SYNE1: variants seen among roughly 807,000 people sequenced by gnomAD.
The protein encoded by SYNE1 is spectrin repeat containing nuclear envelope protein 1, also known as nesprin-1.
In SYNE1, 616 loss-of-function variants were observed where a neutral mutation model predicts 1,111.0. The observed-to-expected ratio is 0.55, with a 90% CI of 0.52 to 0.59. SYNE1 has a LOEUF of 0.59. SYNE1 is among the 20% of genes least tolerant of loss of function. The probability of loss-of-function intolerance (pLI) is 0.00; values close to 1 mark genes in which losing one functional copy is unlikely to be tolerated. For synonymous variants in SYNE1, 3,855 were observed against 3,825.8 expected, an observed-to-expected ratio of 1.01 and a Z score of -0.28; for missense variants, 10,006 against 10,417.0, an observed-to-expected ratio of 0.96 and a Z score of 1.72.
chr6:152,536,403 A>G (rs1300511411), intron 4 of SYNE1, among the ~76,000 whole-genome samples: 1 of 139,186 alleles, frequency 7.2e-6, no homozygotes, highest in Non-Finnish European at 1.5e-5. Context: ...TATATATACT[A>G]TATATAGTAA....
chr6:152,553,239 G>A (rs894460581), intron 3 of SYNE1, among the ~76,000 whole-genome samples: 2 of 152,122 alleles, frequency 1.3e-5, no homozygotes, highest in African/African-American at 4.8e-5. Flanking sequence ...TGACTCAAAA[G>A]CCCATACCTT....
chr6:152,492,062 T>A (rs894451545), intron 11 of SYNE1, among the ~76,000 whole-genome samples: 6 of 152,206 alleles, frequency 3.9e-5, no homozygotes, highest in African/African-American at 1.4e-4. Flanking sequence ...TTTTTCTTTA[T>A]CTGACCTCTC....
chr6:152,365,881 C>T lies in SYNE1; in HGVS notation c.9973-862G>A, dbSNP rs573893594. Among the ~76,000 whole-genome samples, 10 of 152,300 alleles carry T rather than the reference C, an allele frequency of 6.6e-5. No individual in the cohort carries two copies. In the South Asian group the frequency reaches 1.9e-3, roughly 28 times the overall value. On this transcript the variant is annotated intron_variant, in intron 62 of 145. Transcript: ENST00000367255. ...AGCCTCAGCTTCAGCCACCCATTGC[C>T]ACCAGTTTCTGCTGTGGCAATAAGC...
chr6:152,440,387 G>C (rs1453200599), intron 32 of SYNE1, among the ~76,000 whole-genome samples: 1 of 151,888 alleles, frequency 6.6e-6, no homozygotes, highest in African/African-American at 2.4e-5. Context: ...CTGAAATATG[G>C]GCCAAATTTC....
chr6:152,142,089 TTAAA>T (rs1411798671), intron 138 of SYNE1, among the ~76,000 whole-genome samples: 1 of 151,692 alleles, frequency 6.6e-6, no homozygotes, highest in Non-Finnish European at 1.5e-5. Context: ...AAAAAAAAAA[TTAAA>T]TAAGCAAAGT....
intron 46 of SYNE1, among the ~76,000 whole-genome samples, 186 bp downstream of exon 46, chr6:152,404,027 T>A (rs1312624660): frequency 6.6e-6 from 1 of 151,136 alleles, no homozygotes; most frequent in Non-Finnish European, 1.5e-5. Context: ...ATATGATATA[T>A]ATATATGAGA....
At chr6:152,333,314 T>C (rs533579902) in intron 77 of SYNE1, among the ~76,000 whole-genome samples, 7 of 152,192 alleles carry the variant, frequency 4.6e-5, no homozygotes, top group South Asian at 4.1e-4. Flanking sequence ...CCTGACTGAA[T>C]TACACAGAAT....
At chr6:152,182,485 A>G (rs2068394565) in intron 128 of SYNE1, among the ~76,000 whole-genome samples, 1 of 152,224 alleles carries the variant, frequency 6.6e-6, no homozygotes, top group Non-Finnish European at 1.5e-5. Flanking sequence ...AGCACTCATT[A>G]CATACTCCCT....
At chr6:152,362,838 A>C (rs9322370) in intron 63 of SYNE1, among the ~76,000 whole-genome samples, 124,929 of 151,908 alleles carry the variant, frequency 0.82, 51,495 homozygotes, top group African/African-American at 0.88. Context: ...TTAATTATTT[A>C]TTTTATCGAT....
chr6:152,444,816 T>C (rs1001078872), intron 29 of SYNE1, among the ~76,000 whole-genome samples: 1 of 152,130 alleles, frequency 6.6e-6, no homozygotes, highest in Non-Finnish European at 1.5e-5. Context: ...AAGTATACAA[T>C]AGGTAATATT....
intron 9 of SYNE1, among the ~76,000 whole-genome samples, chr6:152,503,104 A>G (rs550244437): frequency 4.6e-5 from 7 of 152,340 alleles, no homozygotes; most frequent in Admixed American, 1.3e-4. Context: ...TGAATAGAAC[A>G]CAAATAATAT....
At chr6:152,593,994 T>A (rs906036012) in intron 3 of SYNE1, among the ~76,000 whole-genome samples, 1 of 152,128 alleles carries the variant, frequency 6.6e-6, no homozygotes, top group Non-Finnish European at 1.5e-5. Flanking sequence ...TTACCAATGT[T>A]TTAGATGAGG....
At chr6:152,240,831 G>T (rs2085467527) in intron 107 of SYNE1, among the ~76,000 whole-genome samples, 1 of 152,176 alleles carries the variant, frequency 6.6e-6, no homozygotes, top group Non-Finnish European at 1.5e-5. Flanking sequence ...AAACCCAAGG[G>T]CAGTGTGGCT....
chr6:152,276,027 CTTCTT>C (rs2093601928), intron 98 of SYNE1, among the ~76,000 whole-genome samples: 1 of 129,060 alleles, frequency 7.7e-6, no homozygotes, highest in Admixed American at 8.5e-5. Context: ...AAATTCTCGA[CTTCTT>C]TTTTTTTTTT....
chr6:152,291,430 GCC>G (rs1446964344), intron 95 of SYNE1, among the ~76,000 whole-genome samples: 1 of 151,948 alleles, frequency 6.6e-6, no homozygotes, highest in African/African-American at 2.4e-5. Flanking sequence ...CATGTGGTTG[GCC>G]TTAATGACAA....
chr6:152,315,818 C>T (rs944473713), intron 87 of SYNE1: 24 of 151,968 alleles, frequency 1.6e-4, no homozygotes, highest in African/African-American at 5.6e-4. Context: ...GGGAAGAATA[C>T]GCAAGATTGA....
intron 9 of SYNE1, among the ~76,000 whole-genome samples, chr6:152,504,354 A>G (rs1173879677): frequency 1.3e-5 from 2 of 152,166 alleles, no homozygotes; most frequent in Non-Finnish European, 2.9e-5. Flanking sequence ...TTACTCTTGG[A>G]AACACAAGTC....
chr6:152,290,984 C>G (rs1242233012), intron 95 of SYNE1, among the ~76,000 whole-genome samples: 4 of 151,268 alleles, frequency 2.6e-5, no homozygotes, highest in Non-Finnish European at 5.9e-5. Context: ...TGTGATGATA[C>G]ATGAAATTAT....
At position 152,326,093 on chromosome 6, in the gene SYNE1, A is replaced by T; in HGVS notation, c.15303T>A (p.Ala5101=). Residue 5101 remains alanine, a synonymous_variant, in exon 80 of 146, where the codon GCT becomes GCA. Coordinates refer to ENST00000367255, the MANE Select transcript of SYNE1 (RefSeq NM_182961.4). The part of the protein sequence containing the change: ...AQVDLLQRCT[A]QWHDYQKARE... ...TTGCTTTCTGGTAATCGTGCCATTG[A>T]GCTGTGCATCTTGAAAGAGTCCAAC... The T allele has an allele frequency of 6.2e-7, 1 of 1,614,144 alleles. No homozygotes were observed. The highest frequency in any genetic ancestry group is 1.3e-5 in the African/African-American group (1 of 75,038).
Sources: gnomAD v4.1 joint callset for allele counts (sites outside exome capture counted in the v4.1 genomes callset) on GRCh38, gnomAD v4.1.1 for gene constraint, MANE v1.5 for transcripts, NCBI Gene and HGNC (gene_info 2026-07-23, HGNC 2026-07-21) for gene names.